GARIN5B: variants seen among roughly 807,000 people sequenced by gnomAD.
GARIN5B encodes Golgi-associated RAB2 interactor protein 5B.
the GARIN5B span, among the ~76,000 whole-genome samples, chr19:55,357,385 G>A: frequency 3.3e-5 from 5 of 152,104 alleles, no homozygotes; most frequent in African/African-American, 9.7e-5. Flanking sequence ...CATGATGGGC[G>A]CCCCCCTGCT....
the GARIN5B span, chr19:55,361,117 G>A: frequency 1.3e-6 from 2 of 1,551,218 alleles, no homozygotes; most frequent in Non-Finnish European, 1.7e-6. Flanking sequence ...GAGTGGGTGA[G>A]GAAGGGACGG....
chr19:55,359,392 G>A, the GARIN5B span: 1 of 1,549,934 alleles, frequency 6.5e-7, no homozygotes. Context: ...GTACGGCTGA[G>A]GCCTTTCGGG....
At chr19:55,358,523 TCGCCC>T in the GARIN5B span, 20 of 31,672 alleles carry the variant, frequency 6.3e-4, no homozygotes, top group East Asian at 2.6e-3. Flanking sequence ...CTCCTTCATC[TCGCCC>T]CATGGCTGCT....
chr19:55,362,965 C>T, the GARIN5B span: 1 of 1,497,084 alleles, frequency 6.7e-7, no homozygotes, highest in Non-Finnish European at 8.9e-7. Context: ...GGGGCAGGTA[C>T]TCGCCCTTCT....
the GARIN5B span, chr19:55,358,611 C>T: frequency 6.4e-7 from 1 of 1,551,398 alleles, no homozygotes; most frequent in Non-Finnish European, 8.7e-7. Context: ...CTGACCACCA[C>T]TGGCTTCCCC....
chr19:55,355,386 G>A, the GARIN5B span: 38 of 1,547,456 alleles, frequency 2.5e-5, no homozygotes, highest in East Asian at 8.6e-4. Flanking sequence ...TTGGGGGACA[G>A]GGTAGGGAGA....
the GARIN5B span, chr19:55,358,774 G>A: frequency 6.5e-7 from 1 of 1,549,476 alleles, no homozygotes; most frequent in Non-Finnish European, 8.7e-7. Flanking sequence ...TGAGCTTGGT[G>A]AGGGTGAGCG....
chr19:55,356,441 C>G, the GARIN5B span, among the ~76,000 whole-genome samples: 1 of 151,858 alleles, frequency 6.6e-6, no homozygotes, highest in African/African-American at 2.4e-5. Context: ...GGCACGATCT[C>G]AGCTCACTGC....
At chr19:55,357,927 G>A in the GARIN5B span, among the ~76,000 whole-genome samples, 6,955 of 152,028 alleles carry the variant, frequency 0.046, 436 homozygotes, top group African/African-American at 0.14. Flanking sequence ...GGTGGCACAC[G>A]CCTGTAATCC....
At chr19:55,360,040 G>A in the GARIN5B span, 1 of 1,474,152 alleles carries the variant, frequency 6.8e-7, no homozygotes, top group Non-Finnish European at 9.0e-7. Flanking sequence ...CCAGACCCGG[G>A]AGGGCAGACC....
chr19:55,358,620 C>T, the GARIN5B span: 2 of 1,551,398 alleles, frequency 1.3e-6, no homozygotes, highest in Middle Eastern at 1.7e-4. Context: ...ACTGGCTTCC[C>T]CTCCAGTAAG....
chr19:55,358,587 ACT>A, the GARIN5B span: 1 of 1,550,854 alleles, frequency 6.4e-7, no homozygotes, highest in East Asian at 2.4e-5. Context: ...CAGGTGTGCG[ACT>A]CTGGCTGCTC....
chr19:55,358,688 G>C, the GARIN5B span: 1 of 1,551,240 alleles, frequency 6.4e-7, no homozygotes, highest in Non-Finnish European at 8.7e-7. Flanking sequence ...CGACGCCTGC[G>C]GAGTCGCCAA....
the GARIN5B span, among the ~76,000 whole-genome samples, chr19:55,361,708 AGTCCCCAGCCCCTCCTCCCTCAGACCCAG>A: frequency 2.7e-4 from 14 of 51,666 alleles, no homozygotes; most frequent in African/African-American, 6.3e-4. Flanking sequence ...CAGACCCAGG[AGTCCCCAGCCCCTCCTCCCTCAGACCCAG>A]GAGTTCAGAC....
chr19:55,361,184 C>T, the GARIN5B span: 8 of 1,551,338 alleles, frequency 5.2e-6, no homozygotes, highest in South Asian at 9.5e-5. Flanking sequence ...CTTGGCCTTC[C>T]TCTGTCTCTG....
the GARIN5B span, chr19:55,358,106 C>G: frequency 7.1e-7 from 1 of 1,416,998 alleles, no homozygotes; most frequent in East Asian, 2.7e-5. Flanking sequence ...TCATAAACAG[C>G]AGAGCTCACA....
the GARIN5B span, chr19:55,359,865 G>A: frequency 6.4e-7 from 1 of 1,551,524 alleles, no homozygotes; most frequent in Non-Finnish European, 8.7e-7. Context: ...CACGGGTCCA[G>A]GGAGCTGCAG....
chr19:55,360,804 G>C, the GARIN5B span: 5 of 1,551,394 alleles, frequency 3.2e-6, no homozygotes, highest in Non-Finnish European at 3.5e-6. Context: ...CTTTGGGGCA[G>C]GAACCAGAGC....
the GARIN5B span, chr19:55,360,732 G>A: frequency 5.8e-6 from 9 of 1,551,644 alleles, no homozygotes; most frequent in East Asian, 2.2e-4. Flanking sequence ...TGCTGGAAAT[G>A]ATGCTGAAGA....
Sources: gnomAD v4.1 joint callset for allele counts (sites outside exome capture counted in the v4.1 genomes callset) on GRCh38, gnomAD v4.1.1 for gene constraint, MANE v1.5 for transcripts, NCBI Gene and HGNC (gene_info 2026-07-23, HGNC 2026-07-21) for gene names.